SLC15A2: variants seen among roughly 807,000 people sequenced by gnomAD.
SLC15A2 encodes the protein solute carrier family 15 member 2.
SLC15A2 carries 77 observed loss-of-function variants against 95.5 expected under a neutral mutation model. The ratio of observed to expected loss-of-function variants is 0.81; its 90% CI spans 0.67 to 0.97. The LOEUF is 0.97. Among genes scored for constraint, SLC15A2 ranks in the 50% least tolerant of loss-of-function variants. SLC15A2 has a pLI of 0.00. For missense variants in SLC15A2, 893 were observed against 874.4 expected, an observed-to-expected ratio of 1.02 and a Z score of -0.27; for synonymous variants, 306 against 306.9, an observed-to-expected ratio of 1.00 and a Z score of 0.03.
chr3:121,915,399 A>G (rs544528340), intron 6 of SLC15A2, 82 bp downstream of exon 6: 24 of 944,202 alleles, frequency 2.5e-5, no homozygotes, highest in Non-Finnish European at 3.9e-5. Context: ...CCTGTCTATC[A>G]TCTCCTTTTA....
intron 3 of SLC15A2, among the ~76,000 whole-genome samples, chr3:121,900,138 G>A (rs1249902736): frequency 1.3e-5 from 2 of 152,088 alleles, no homozygotes; most frequent in Non-Finnish European, 2.9e-5. Context: ...CTGTGGTGTG[G>A]ATATTAGCTA....
At chr3:121,910,092 T>G (rs1709732052) in intron 3 of SLC15A2, among the ~76,000 whole-genome samples, 1 of 152,128 alleles carries the variant, frequency 6.6e-6, no homozygotes, top group Non-Finnish European at 1.5e-5. Flanking sequence ...TTATTCTTTT[T>G]ATTACAACAA....
At chr3:121,921,850 G>T (rs963381752) in intron 7 of SLC15A2, among the ~76,000 whole-genome samples, 6 of 152,124 alleles carry the variant, frequency 3.9e-5, no homozygotes, top group Middle Eastern at 3.2e-3. Flanking sequence ...AATAAAACTT[G>T]GTAACATTTC....
chr3:121,914,383 G>C (rs915731382), intron 5 of SLC15A2, among the ~76,000 whole-genome samples: 1 of 152,122 alleles, frequency 6.6e-6, no homozygotes. Context: ...TTTGGTAACT[G>C]CTCCACAAAG....
chr3:121,939,073 T>C, intron 19 of SLC15A2: 1 of 277,346 alleles, frequency 3.6e-6, no homozygotes. Flanking sequence ...AAATGCCTGA[T>C]AGGGCAAAAC....
intron 5 of SLC15A2, among the ~76,000 whole-genome samples, chr3:121,914,437 G>C (rs527275417): frequency 2.6e-5 from 4 of 152,238 alleles, no homozygotes; most frequent in Admixed American, 2.6e-4. Context: ...GTTTCCACTA[G>C]CCACTTCTAA....
intron 2 of SLC15A2, among the ~76,000 whole-genome samples, chr3:121,896,773 C>T (rs1709421571): frequency 1.3e-5 from 2 of 151,704 alleles, no homozygotes; most frequent in Non-Finnish European, 2.9e-5. Context: ...CCTGTAGTCG[C>T]CACTACTTGG....
intron 19 of SLC15A2, among the ~76,000 whole-genome samples, chr3:121,938,349 C>T (rs1414698515): frequency 1.1e-4 from 16 of 152,216 alleles, no homozygotes; most frequent in Middle Eastern, 6.8e-3. Context: ...CAATGGCGGG[C>T]GCCCCTCCCC....
intron 12 of SLC15A2, 101 bp downstream of exon 12, chr3:121,924,484 T>TTATCAG: frequency 9.1e-7 from 1 of 1,100,078 alleles, no homozygotes; most frequent in Non-Finnish European, 1.4e-6. Flanking sequence ...GCTTTTCTCC[T>TTATCAG]TGTACGCTGA....
In SLC15A2 at chr3:121,913,163, G is replaced by A. The variant is rs760861771; in HGVS notation, c.528+43G>A. On this transcript the variant is annotated intron_variant, in intron 5 of 21. Transcript: ENST00000489711. ...TTGTATTTTCAAGAATATAGAGCCA[G>A]CATTAATGGGGGTATCTGGCAGGTA... 43 of 1,444,604 alleles carry A rather than the reference G, an allele frequency of 3.0e-5. 1 individual carries two copies. The South Asian group carries it at 4.5e-4, about 15-fold the overall frequency. 89.5% of individuals were successfully genotyped at this position (1,444,604 alleles called of 1,614,324 possible).
At chr3:121,916,768 G>A (rs908667485) in intron 7 of SLC15A2, among the ~76,000 whole-genome samples, 9 of 152,098 alleles carry the variant, frequency 5.9e-5, no homozygotes, top group Non-Finnish European at 1.3e-4. Context: ...AGTTTTCTGG[G>A]TGCTAATCAA....
chr3:121,897,300 C>G, intron 2 of SLC15A2, 88 bp from the exon 3 acceptor site: 1 of 1,504,874 alleles, frequency 6.6e-7, no homozygotes. Context: ...ATTATAAAGA[C>G]CAGAGATTAA....
chr3:121,931,102 C>A (rs1710224696), intron 18 of SLC15A2, 152 bp downstream of exon 18: 1 of 603,870 alleles, frequency 1.7e-6, no homozygotes, highest in Middle Eastern at 2.9e-4. Flanking sequence ...TTCCTTCCCT[C>A]AGTCTCACTT....
intron 17 of SLC15A2, among the ~76,000 whole-genome samples, chr3:121,930,614 G>A (rs1275015304): frequency 6.6e-6 from 1 of 152,078 alleles, no homozygotes; most frequent in African/African-American, 2.4e-5. Context: ...GCAGATAAAA[G>A]TTCAAGAAAA....
chr3:121,924,246 C>T lies in SLC15A2; in HGVS notation c.1003-105C>T, dbSNP rs965954234. The T allele has an allele frequency of 6.6e-6, 6 of 910,990 alleles. No homozygotes were observed. The African/African-American group carries it at 6.6e-5, about 10-fold the overall frequency. The allele number at this position is 910,990 out of a possible 1,614,324, so 56.4% of individuals were successfully genotyped here. A position where few individuals can be genotyped will look rare whatever the true frequency, so the allele number is the denominator to read the frequency against. Reference sequence around the variant, plus strand: ...GAACCAAAGACCTGATGAATTTTCTCTCATATGTTTCTCACTTGCTAACTA... The same window carrying T: ...GAACCAAAGACCTGATGAATTTTCTTTCATATGTTTCTCACTTGCTAACTA... On this transcript the variant is annotated intron_variant, in intron 11 of 21. Coordinates refer to ENST00000489711, the MANE Select transcript of SLC15A2 (RefSeq NM_021082.4).
rs138745887 is a variant in SLC15A2, at chr3:121,940,930, C to T, written c.2113C>T (p.Arg705Trp). 5.0e-4 allele frequency: 809 copies of T among 1,614,084 alleles called. 2 individuals carry two copies. Among genetic ancestry groups the T allele is most frequent in the Middle Eastern group, 8.2e-4 (5 of 6,062 alleles). ...TGTTCCTGTAAAGACAGAGGATATG[C>T]GGGGTCCAGCAGATAAGCACATTCC... ...YYVPVKTEDM[R>W]GPADKHIPHI... Residue 705 changes from arginine to tryptophan, a missense_variant, in exon 22 of 22, where the codon CGG becomes TGG. Arg to Trp is a moderately radical substitution (Grantham distance 101). Transcript: ENST00000489711.
chr3:121,897,464 C>G lies in SLC15A2; in HGVS notation c.270C>G (p.Ser90Arg), dbSNP rs139792607. ...DTSTSIYHAF[S>R]SLCYFTPILG... ...CCACATCTATATACCATGCCTTCAG[C>G]AGCCTCTGTTATTTTACTCCCATCC... Residue 90 changes from serine to arginine, a missense_variant, in exon 3 of 22, where the codon AGC (serine) becomes AGG (arginine). By Grantham distance (110) the Ser-to-Arg change is moderately radical (BLOSUM62 -1). Coordinates refer to ENST00000489711, the MANE Select transcript of SLC15A2 (RefSeq NM_021082.4). 4 of 1,613,980 alleles carry G rather than the reference C, an allele frequency of 2.5e-6. No homozygotes were observed. In the African/African-American group the frequency reaches 5.3e-5, roughly 22 times the overall value.
chr3:121,899,991 C>T (rs1299574206), intron 3 of SLC15A2, among the ~76,000 whole-genome samples: 1 of 152,070 alleles, frequency 6.6e-6, no homozygotes, highest in African/African-American at 2.4e-5. Context: ...TTCTCACTCT[C>T]GTCCTCTTAT....
At chr3:121,915,820 G>T (rs531527013) in intron 7 of SLC15A2, 127 bp downstream of exon 7, 6 of 632,226 alleles carry the variant, frequency 9.5e-6, no homozygotes, top group African/African-American at 7.2e-5. Flanking sequence ...AACTGTTATT[G>T]TAAGGGTTTC....
Sources: gnomAD v4.1 joint callset for allele counts (sites outside exome capture counted in the v4.1 genomes callset) on GRCh38, gnomAD v4.1.1 for gene constraint, MANE v1.5 for transcripts, NCBI Gene and HGNC (gene_info 2026-07-23, HGNC 2026-07-21) for gene names.